Variants in SLC8A1 observed in about 807,000 individuals in gnomAD.
The protein encoded by SLC8A1 is sodium/calcium exchanger 1.
A neutral mutation model predicts 68.3 loss-of-function variants in SLC8A1; 18 were observed. That is an observed-to-expected ratio of 0.26 (90% CI 0.18 to 0.39). The LOEUF (loss-of-function observed/expected upper bound fraction) is 0.39. Among genes scored for constraint, SLC8A1 ranks in the 10% least tolerant of loss-of-function variants. The pLI is 1.00. For synonymous variants in SLC8A1, 475 were observed against 415.5 expected, an observed-to-expected ratio of 1.14 and a Z score of -1.74; for missense variants, 985 against 1,156.7, an observed-to-expected ratio of 0.85 and a Z score of 2.15.
chr2:40,336,274 T>G (rs924593538), intron 2 of SLC8A1, among the ~76,000 whole-genome samples: 2 of 152,178 alleles, frequency 1.3e-5, no homozygotes, highest in Admixed American at 1.3e-4. Flanking sequence ...GGGAAACATA[T>G]TTATATCACA....
intron 1 of SLC8A1, among the ~76,000 whole-genome samples, chr2:40,472,538 A>AT (rs1389363621): frequency 7.3e-5 from 11 of 151,528 alleles, no homozygotes; most frequent in African/African-American, 1.2e-4. Flanking sequence ...GTTAAAAAAT[A>AT]TTTTTTTTTA....
At chr2:40,316,762 C>A (rs1267751706) in intron 2 of SLC8A1, among the ~76,000 whole-genome samples, 2 of 151,914 alleles carry the variant, frequency 1.3e-5, no homozygotes, top group African/African-American at 4.8e-5. Context: ...AAAATACCTC[C>A]CTCCCCCAAT....
chr2:40,109,838 T>C (rs1041213070), exon 8 of SLC8A1: 1 of 152,178 alleles, frequency 6.6e-6, no homozygotes, highest in Admixed American at 6.6e-5. Flanking sequence ...AATGACTACA[T>C]TGATAACAGA....
intron 1 of SLC8A1, among the ~76,000 whole-genome samples, chr2:40,451,338 CG>C (rs1315664540): frequency 1.3e-5 from 2 of 152,128 alleles, no homozygotes; most frequent in African/African-American, 4.8e-5. Context: ...ATTTCTTCCT[CG>C]TCTGTCTCTG....
intron 1 of SLC8A1, among the ~76,000 whole-genome samples, chr2:40,488,595 T>C (rs1370300348): frequency 6.6e-6 from 1 of 152,024 alleles, no homozygotes; most frequent in East Asian, 1.9e-4. Flanking sequence ...ACTCCATGTG[T>C]GTTTAAGTGA....
At chr2:40,381,600 T>G (rs1007489632) in intron 2 of SLC8A1, among the ~76,000 whole-genome samples, 4 of 151,994 alleles carry the variant, frequency 2.6e-5, no homozygotes, top group Admixed American at 1.3e-4. Context: ...TCCTTCATGA[T>G]CTCTGATAAC....
chr2:40,147,155 G>A (rs2042623473), intron 6 of SLC8A1, among the ~76,000 whole-genome samples: 1 of 152,128 alleles, frequency 6.6e-6, no homozygotes, highest in Admixed American at 6.5e-5. Flanking sequence ...AGGAGTTCTA[G>A]CTCCATGCAA....
chr2:40,412,358 G>A (rs1355191448), intron 2 of SLC8A1, among the ~76,000 whole-genome samples: 1 of 152,010 alleles, frequency 6.6e-6, no homozygotes, highest in South Asian at 2.1e-4. Flanking sequence ...TACAAAAGCT[G>A]TTTTACATAG....
At chr2:40,376,714 G>A (rs545322573) in intron 2 of SLC8A1, among the ~76,000 whole-genome samples, 10 of 152,090 alleles carry the variant, frequency 6.6e-5, no homozygotes, top group Non-Finnish European at 1.2e-4. Flanking sequence ...GACAAGGACC[G>A]ATGATGCTTT....
intron 2 of SLC8A1, among the ~76,000 whole-genome samples, chr2:40,332,059 C>G (rs1559277234): frequency 6.6e-6 from 1 of 152,096 alleles, no homozygotes; most frequent in Non-Finnish European, 1.5e-5. Flanking sequence ...AAGTGATCCT[C>G]CCACCTCAGC....
intron 1 of SLC8A1, among the ~76,000 whole-genome samples, chr2:40,494,026 C>G (rs1248507781): frequency 1.4e-4 from 21 of 147,370 alleles, no homozygotes; most frequent in African/African-American, 5.3e-4. Context: ...TTTTTTTTTC[C>G]TTATCTACCT....
exon 8 of SLC8A1, chr2:40,111,226 T>C (rs1188523570): frequency 1.3e-5 from 2 of 152,216 alleles, no homozygotes; most frequent in Non-Finnish European, 2.9e-5. Context: ...TAAAATTTGC[T>C]TGTAAGAAAC....
chr2:40,199,091 T>TGTTCAA (rs11283216), intron 2 of SLC8A1, among the ~76,000 whole-genome samples: 108,545 of 150,804 alleles, frequency 0.72, 40,277 homozygotes, highest in Middle Eastern at 0.83. Flanking sequence ...AATAGAAAAT[T>TGTTCAA]GTTCAAGACT....
intron 2 of SLC8A1, among the ~76,000 whole-genome samples, chr2:40,319,074 A>G (rs1272511747): frequency 6.6e-6 from 1 of 152,136 alleles, no homozygotes; most frequent in Non-Finnish European, 1.5e-5. Flanking sequence ...AAGGTAATTT[A>G]GGTAGACACA....
chr2:40,241,366 T>C (rs1231015510), intron 2 of SLC8A1, among the ~76,000 whole-genome samples: 1 of 152,032 alleles, frequency 6.6e-6, no homozygotes, highest in Non-Finnish European at 1.5e-5. Flanking sequence ...GGGCATGGGT[T>C]GAAAAACTAC....
chr2:40,368,414 G>C (rs1676938158), intron 2 of SLC8A1, among the ~76,000 whole-genome samples: 1 of 151,852 alleles, frequency 6.6e-6, no homozygotes, highest in South Asian at 2.1e-4. Context: ...ACCTATTTTA[G>C]TTTCTTCTGA....
Position 40,509,256 on chromosome 2 carries a change from C to A in SLC8A1, c.-25+3093G>T, listed in dbSNP as rs535087378. On this transcript the variant is annotated intron_variant, in intron 1 of 7. Coordinates refer to the SLC8A1 transcript ENST00000402441. The stretch of plus-strand genomic sequence containing the variant: ...TGAACTGGATCCTAGGAAACCTTCA[C>A]CTTCCAATGATTGAAGGTGGAGAAA... 4.6e-5 allele frequency among the ~76,000 whole-genome samples: 7 copies of A among 152,230 alleles called. No individual in the cohort carries two copies. In the East Asian group the frequency reaches 9.7e-4, roughly 21 times the overall value.
At chr2:40,321,359 A>C (rs114981692) in intron 2 of SLC8A1, among the ~76,000 whole-genome samples, 4,618 of 152,148 alleles carry the variant, frequency 0.03, 78 homozygotes, top group Admixed American at 0.046. Flanking sequence ...CTGGGATTAT[A>C]TTTTTCAGAA....
At chr2:40,372,347 T>A (rs1678373787) in intron 2 of SLC8A1, among the ~76,000 whole-genome samples, 1 of 152,126 alleles carries the variant, frequency 6.6e-6, no homozygotes. Context: ...CTGTTAACCT[T>A]GGCAAAATTT....
Sources: allele counts gnomAD v4.1 joint callset (sites outside exome capture counted in the v4.1 genomes callset), GRCh38; gene constraint gnomAD v4.1.1; transcripts MANE v1.5; gene names NCBI Gene and HGNC (gene_info 2026-07-23, HGNC 2026-07-21).